Variants in ERC2 observed in about 807,000 individuals in gnomAD.
The protein encoded by ERC2 is ELKS/RAB6-interacting/CAST family member 2.
In ERC2, 42 loss-of-function variants were observed where a neutral mutation model predicts 114.8. The ratio of observed to expected loss-of-function variants is 0.37; its 90% CI spans 0.29 to 0.47. The LOEUF is 0.47. Ranked by LOEUF, ERC2 falls within the 20% of genes least tolerant of loss-of-function variation. The pLI is 0.99. For synonymous variants in ERC2, 454 were observed against 425.5 expected (o/e 1.07, Z -0.82); for missense variants, 939 against 1,150.7 (o/e 0.82, Z 2.66).
intron 1 of ERC2, among the ~76,000 whole-genome samples, chr3:56,467,724 G>GT (rs1378327152): frequency 6.6e-5 from 10 of 151,872 alleles, no homozygotes; most frequent in Admixed American, 2.0e-4. Flanking sequence ...CCTGACACGG[G>GT]TTTTTTAAAA....
At chr3:55,866,116 T>A (rs1486547657) in intron 14 of ERC2, among the ~76,000 whole-genome samples, 1 of 152,096 alleles carries the variant, frequency 6.6e-6, no homozygotes, top group Non-Finnish European at 1.5e-5. Flanking sequence ...CACCAACACT[T>A]GTAATTGCCT....
chr3:56,166,752 C>A (rs2082343306), intron 4 of ERC2, among the ~76,000 whole-genome samples: 1 of 151,714 alleles, frequency 6.6e-6, no homozygotes, highest in South Asian at 2.1e-4. Flanking sequence ...CACTTTCATC[C>A]CTGATATTGG....
chr3:55,924,660 G>C (rs1203235667), intron 13 of ERC2, among the ~76,000 whole-genome samples: 1 of 152,034 alleles, frequency 6.6e-6, no homozygotes, highest in Non-Finnish European at 1.5e-5. Flanking sequence ...AAGAATCCAA[G>C]AGCACAGAAA....
At chr3:56,424,448 T>G (rs1553625602) in intron 2 of ERC2, among the ~76,000 whole-genome samples, 3 of 152,226 alleles carry the variant, frequency 2.0e-5, no homozygotes, top group Non-Finnish European at 4.4e-5. Context: ...AATAAAAATC[T>G]GTAAGGCCAC....
chr3:55,757,932 A>G (rs1229196320), intron 14 of ERC2, among the ~76,000 whole-genome samples: 6 of 152,054 alleles, frequency 3.9e-5, no homozygotes. Context: ...CAAGATAAAT[A>G]TCATATATAT....
At chr3:56,365,774 T>C (rs892714689) in intron 2 of ERC2, among the ~76,000 whole-genome samples, 1 of 152,244 alleles carries the variant, frequency 6.6e-6, no homozygotes, top group Non-Finnish European at 1.5e-5. Context: ...TCTGCTTTCA[T>C]GCACTTGGGA....
intron 1 of ERC2, among the ~76,000 whole-genome samples, chr3:56,461,673 A>G (rs879891377): frequency 1.3e-5 from 2 of 152,246 alleles, no homozygotes; most frequent in Admixed American, 1.3e-4. Context: ...CTGAACAGCT[A>G]TAAGATTCAC....
chr3:56,172,729 A>G (rs928596450), intron 4 of ERC2, among the ~76,000 whole-genome samples: 11 of 152,240 alleles, frequency 7.2e-5, no homozygotes, highest in Admixed American at 5.9e-4. Flanking sequence ...ACTGTAAATA[A>G]AAAGATTTTA....
At chr3:56,416,859 A>G (rs1429785260) in intron 2 of ERC2, among the ~76,000 whole-genome samples, 1 of 152,042 alleles carries the variant, frequency 6.6e-6, no homozygotes, top group Non-Finnish European at 1.5e-5. Flanking sequence ...GACTTAATCC[A>G]TTTCAGTCAT....
At chr3:55,855,549 G>A (rs1481078022) in intron 14 of ERC2, among the ~76,000 whole-genome samples, 6 of 152,230 alleles carry the variant, frequency 3.9e-5, no homozygotes, top group South Asian at 4.1e-4. Context: ...GGTAGGGGGG[G>A]ATGATTTACC....
intron 14 of ERC2, among the ~76,000 whole-genome samples, chr3:55,877,925 T>C (rs1220509482): frequency 6.6e-6 from 1 of 152,134 alleles, no homozygotes; most frequent in Non-Finnish European, 1.5e-5. Flanking sequence ...CAGTATTAGA[T>C]CAGGTACTGG....
At chr3:55,735,274 A>C (rs815450) in intron 14 of ERC2, among the ~76,000 whole-genome samples, 85,429 of 152,108 alleles carry the variant, frequency 0.56, 24,411 homozygotes, top group South Asian at 0.71. Context: ...AGTCTGTTTT[A>C]TGTTGTTACA....
At chr3:56,244,614 T>C (rs1280447136) in intron 3 of ERC2, among the ~76,000 whole-genome samples, 1 of 151,922 alleles carries the variant, frequency 6.6e-6, no homozygotes, top group Non-Finnish European at 1.5e-5. Flanking sequence ...AACAAAAAAG[T>C]TAAAACAGTA....
chr3:56,343,912 A>G (rs1576515402), intron 2 of ERC2, among the ~76,000 whole-genome samples: 1 of 152,202 alleles, frequency 6.6e-6, no homozygotes, highest in East Asian at 1.9e-4. Context: ...ATAACGCTAG[A>G]CTAAAGAATT....
At chr3:56,296,546 G>A (rs963425919) in intron 2 of ERC2, 111 bp from the exon 3 acceptor site, 7 of 1,167,676 alleles carry the variant, frequency 6.0e-6, no homozygotes, top group Non-Finnish European at 8.2e-6. Flanking sequence ...TTAATCATGA[G>A]GTCCGGAGGG....
intron 14 of ERC2, among the ~76,000 whole-genome samples, chr3:55,761,968 C>G (rs2067476375): frequency 7.0e-6 from 1 of 142,164 alleles, no homozygotes; most frequent in Non-Finnish European, 1.5e-5. Context: ...CCCTCCCTCC[C>G]TCCCTTCCTC....
intron 17 of ERC2, among the ~76,000 whole-genome samples, chr3:55,518,319 A>G (rs1027655572): frequency 6.6e-6 from 1 of 152,258 alleles, no homozygotes. Flanking sequence ...TTGGAGAAAT[A>G]AAGATTAATT....
chr3:56,380,863 T>C (rs1171098328), intron 2 of ERC2, among the ~76,000 whole-genome samples: 2 of 152,242 alleles, frequency 1.3e-5, no homozygotes, highest in African/African-American at 4.8e-5. Context: ...ATAATCTGCC[T>C]GTTAAACAAT....
chr3:56,268,543 CA>C (rs986674831), intron 3 of ERC2, among the ~76,000 whole-genome samples: 9 of 152,028 alleles, frequency 5.9e-5, no homozygotes, highest in African/African-American at 9.7e-5. Context: ...ACACCTTCAG[CA>C]AGTAAAAACT....
Sources: gnomAD v4.1 joint callset for allele counts (sites outside exome capture counted in the v4.1 genomes callset) on GRCh38, gnomAD v4.1.1 for gene constraint, MANE v1.5 for transcripts, NCBI Gene and HGNC (gene_info 2026-07-23, HGNC 2026-07-21) for gene names.